Variants in KCNQ3 observed in about 807,000 individuals in gnomAD.
The protein encoded by KCNQ3 is potassium voltage-gated channel subfamily KQT member 3.
In KCNQ3, 30 loss-of-function variants were observed where a neutral mutation model predicts 92.5. That is an observed-to-expected ratio of 0.32 (90% CI 0.24 to 0.44). The LOEUF (loss-of-function observed/expected upper bound fraction) is 0.44, where lower values mean the gene tolerates loss of function less well. Ranked by LOEUF, KCNQ3 falls within the 20% of genes least tolerant of loss-of-function variation. The pLI is 1.00. For missense variants in KCNQ3, 913 were observed against 1,140.3 expected (o/e 0.80, Z 2.87); for synonymous variants, 450 against 468.8 (o/e 0.96, Z 0.52).
At chr8:132,207,300 T>G (rs929775538) in intron 1 of KCNQ3, among the ~76,000 whole-genome samples, 2 of 152,222 alleles carry the variant, frequency 1.3e-5, no homozygotes, top group Non-Finnish European at 2.9e-5. Context: ...CATCCCAATT[T>G]CACCAGCATT....
intron 1 of KCNQ3, among the ~76,000 whole-genome samples, chr8:132,477,119 C>T (rs2130871488): frequency 6.6e-6 from 1 of 152,226 alleles, no homozygotes; most frequent in Non-Finnish European, 1.5e-5. Context: ...TTCCTGAGAC[C>T]ACCCCTTCCC....
intron 1 of KCNQ3, among the ~76,000 whole-genome samples, chr8:132,339,450 C>T (rs117607124): frequency 0.016 from 2,377 of 152,300 alleles, 28 homozygotes; most frequent in Middle Eastern, 0.058. Context: ...GTACCATGGT[C>T]AGCTTCTTCA....
chr8:132,441,804 G>A (rs7837397), intron 1 of KCNQ3, among the ~76,000 whole-genome samples: 91,918 of 151,910 alleles, frequency 0.61, 28,441 homozygotes, highest in African/African-American at 0.72. Context: ...CGTTTTAATA[G>A]CAGCCATTCT....
In KCNQ3 at chr8:132,396,947, TGC is replaced by T. The variant is rs1554651034; in HGVS notation, c.386+83198_386+83199del. Among the ~76,000 whole-genome samples, 152 of 139,922 alleles carry T rather than the reference TGC, an allele frequency of 1.1e-3. 1 individual carries two copies. Among genetic ancestry groups the T allele is most frequent in the South Asian group, 6.0e-3 (26 of 4,350 alleles). 91.8% of individuals were successfully genotyped at this position (139,922 alleles called of 152,430 possible). ...GGGGATGGGATAAAAATTGTGTGTG[TGC>T]GTGTGTGTGTGTGTGTATGTGTGTG... On this transcript the variant is annotated intron_variant, in intron 1 of 14. Coordinates refer to ENST00000388996, the MANE Select transcript of KCNQ3 (RefSeq NM_004519.4).
chr8:132,133,339 T>C (rs1470752664), intron 13 of KCNQ3, among the ~76,000 whole-genome samples: 2 of 148,412 alleles, frequency 1.3e-5, no homozygotes, highest in Non-Finnish European at 3.0e-5. Flanking sequence ...TATCATCACG[T>C]TAATGCTCTC....
intron 1 of KCNQ3, among the ~76,000 whole-genome samples, chr8:132,400,393 T>C (rs1026918758): frequency 1.3e-5 from 2 of 152,220 alleles, no homozygotes; most frequent in Admixed American, 1.3e-4. Flanking sequence ...CTGCGTTTCA[T>C]ACAATAACCT....
chr8:132,227,998 A>G (rs1021440488), intron 1 of KCNQ3, among the ~76,000 whole-genome samples: 18 of 152,198 alleles, frequency 1.2e-4, no homozygotes, highest in Non-Finnish European at 1.9e-4. Context: ...TAAAAAAAAA[A>G]ACCCAATAAA....
At chr8:132,404,384 G>C (rs1820425482) in intron 1 of KCNQ3, among the ~76,000 whole-genome samples, 1 of 152,182 alleles carries the variant, frequency 6.6e-6, no homozygotes, top group Admixed American at 6.5e-5. Flanking sequence ...AGTATTTCCT[G>C]TAAGGCTAAT....
At chr8:132,457,954 C>G (rs906633601) in intron 1 of KCNQ3, among the ~76,000 whole-genome samples, 1 of 152,162 alleles carries the variant, frequency 6.6e-6, no homozygotes, top group Non-Finnish European at 1.5e-5. Context: ...AGAGGGCCAC[C>G]CTGCCTCCCT....
At chr8:132,137,569 G>A (rs375306075) in intron 12 of KCNQ3, among the ~76,000 whole-genome samples, 21 of 152,280 alleles carry the variant, frequency 1.4e-4, no homozygotes, top group African/African-American at 4.8e-4. Context: ...AGCTGGATTC[G>A]GTTTAATTCG....
intron 1 of KCNQ3, among the ~76,000 whole-genome samples, chr8:132,290,861 C>G (rs1390461759): frequency 1.3e-5 from 2 of 152,062 alleles, no homozygotes; most frequent in Non-Finnish European, 2.9e-5. Flanking sequence ...ATACTCGAGT[C>G]CTGCAGATGG....
In KCNQ3 at chr8:132,175,456, G is replaced by A; in HGVS notation, c.930C>T (p.Gly310=). Residue 310 remains glycine, a synonymous_variant, in exon 5 of 15, where the codon GGC becomes GGT. Transcript: ENST00000388996. ...GGCCTCCAAGGTAGTGACTCACCAG[G>A]CCCCACCACAGGGCATCTGCATAGG... ...FETYADALWW[G]LITLATIGYG... The A allele has an allele frequency of 6.2e-7, 1 of 1,614,108 alleles. No homozygotes were observed. The highest frequency in any genetic ancestry group is 8.5e-7 in the Non-Finnish European group (1 of 1,179,994).
rs1824904522 is a variant in KCNQ3, at chr8:132,132,121, T to C, written c.1884+59A>G. On this transcript the variant is annotated intron_variant, in intron 14 of 14. Transcript: ENST00000388996. ...AAAAGAAAGAAAGAAAAAAAAGAAA[T>C]GGCATTTGAAAATAAATGTCACAGA... 4 of 1,092,980 alleles carry C rather than the reference T, an allele frequency of 3.7e-6. No individual in the cohort carries two copies. The African/African-American group carries it at 4.7e-5, about 13-fold the overall frequency. The allele number at this position is 1,092,980 out of a possible 1,614,324, so 67.7% of individuals were successfully genotyped here.
At position 132,186,121 on chromosome 8, in the gene KCNQ3, C is replaced by A; in HGVS notation, c.447G>T (p.Glu149Asp). ...ACAGAAGCCAGTCTCCCGAGACAGT[C>A]TCATACTCCTTGAATGTGGTCAGGA... ...LAVLTTFKEY[E>D]TVSGDWLLLL... is the part of the protein sequence containing the mutation. Residue 149 changes from glutamate (E) to aspartate (D), a missense_variant, in exon 2 of 15, where the codon GAG becomes GAT. This residue lies in a region of KCNQ3 where 100 missense variants were observed against 217.6 expected (regional missense o/e 0.46). Coordinates refer to ENST00000388996, the MANE Select transcript of KCNQ3 (RefSeq NM_004519.4). The A allele has an allele frequency of 6.2e-7, 1 of 1,613,860 alleles. No homozygotes were observed. Among genetic ancestry groups the A allele is most frequent in the Non-Finnish European group, 8.5e-7 (1 of 1,179,766 alleles).
At chr8:132,271,806 G>A (rs757610035) in intron 1 of KCNQ3, among the ~76,000 whole-genome samples, 15 of 152,184 alleles carry the variant, frequency 9.9e-5, no homozygotes, top group Admixed American at 6.5e-5. Flanking sequence ...TCACTGCACC[G>A]TAGTGAGTCA....
chr8:132,181,944 C>T (rs2130165356), intron 3 of KCNQ3, among the ~76,000 whole-genome samples: 1 of 151,728 alleles, frequency 6.6e-6, no homozygotes, highest in Admixed American at 6.6e-5. Context: ...ACTTGGGAGG[C>T]TGAGGCAGGA....
At chr8:132,136,187 C>A (rs914726185) in intron 12 of KCNQ3, among the ~76,000 whole-genome samples, 6 of 142,350 alleles carry the variant, frequency 4.2e-5, no homozygotes, top group Non-Finnish European at 9.1e-5. Flanking sequence ...TCCAAGCTGA[C>A]AGATAGCATC....
chr8:132,398,543 G>T (rs887504290), intron 1 of KCNQ3, among the ~76,000 whole-genome samples: 1 of 152,130 alleles, frequency 6.6e-6, no homozygotes, highest in African/African-American at 2.4e-5. Flanking sequence ...GGTGCCCGAA[G>T]AACTCAACAT....
At chr8:132,308,128 C>A (rs544872166) in intron 1 of KCNQ3, among the ~76,000 whole-genome samples, 2 of 152,120 alleles carry the variant, frequency 1.3e-5, no homozygotes, top group African/African-American at 4.8e-5. Flanking sequence ...TCCTATCTCA[C>A]GGGGCTCACG....
Sources: allele counts gnomAD v4.1 joint callset (sites outside exome capture counted in the v4.1 genomes callset), GRCh38; gene constraint gnomAD v4.1.1; regional missense constraint gnomAD v4.1.1; transcripts MANE v1.5; gene names NCBI Gene and HGNC (gene_info 2026-07-23, HGNC 2026-07-21).